HLCS: variants seen among roughly 807,000 people sequenced by gnomAD.
The protein encoded by HLCS is holocarboxylase synthetase.
HLCS carries 53 observed loss-of-function variants against 75.0 expected under a neutral mutation model. The observed-to-expected ratio is 0.71, with a 90% CI of 0.57 to 0.89. The LOEUF is 0.89. HLCS is among the 40% of genes least tolerant of loss of function. The pLI is 0.00. For synonymous variants in HLCS, 431 were observed against 428.6 expected (o/e 1.01, Z -0.07); for missense variants, 966 against 1,074.0 (o/e 0.90, Z 1.41).
chr21:36,793,842 G>A (rs533291515), intron 6 of HLCS, among the ~76,000 whole-genome samples: 41 of 152,186 alleles, frequency 2.7e-4, no homozygotes, highest in East Asian at 5.8e-4. Flanking sequence ...GTCCCTTTAC[G>A]GCCAAGAGAC....
At chr21:36,886,647 T>C (rs2064478733) in intron 6 of HLCS, among the ~76,000 whole-genome samples, 1 of 152,140 alleles carries the variant, frequency 6.6e-6, no homozygotes, top group African/African-American at 2.4e-5. Flanking sequence ...GATTGAATGT[T>C]TGTGTTCCCT....
chr21:36,838,405 A>T lies in HLCS; in HGVS notation c.1892+58455T>A, dbSNP rs116469783. Among the ~76,000 whole-genome samples the T allele has an allele frequency of 4.7e-3, 716 of 152,198 alleles. 8 individuals are homozygous for T. The highest frequency in any genetic ancestry group is 0.016 in the African/African-American group (677 of 41,538). ...GAAAAAGGGTCTTTGCAGATAGAAT[A>T]GAATTAAATTACAATCTTAGCCAGG... On this transcript the variant is annotated intron_variant, in intron 6 of 10. Coordinates refer to ENST00000674895, the MANE Select transcript of HLCS (RefSeq NM_001352514.2).
chr21:36,910,010 T>C (rs2065631369), intron 5 of HLCS, among the ~76,000 whole-genome samples: 1 of 152,210 alleles, frequency 6.6e-6, no homozygotes, highest in Non-Finnish European at 1.5e-5. Flanking sequence ...AGTGAGTTAA[T>C]CAGAAAATGA....
intron 5 of HLCS, among the ~76,000 whole-genome samples, chr21:36,917,413 T>C (rs965499630): frequency 4.6e-5 from 7 of 152,154 alleles, no homozygotes; most frequent in African/African-American, 9.7e-5. Flanking sequence ...ACCCAGATCT[T>C]GTACAGCCCA....
chr21:36,941,266 C>T (rs1459271960), intron 2 of HLCS, among the ~76,000 whole-genome samples: 2 of 152,200 alleles, frequency 1.3e-5, no homozygotes, highest in Admixed American at 1.3e-4. Flanking sequence ...TGTCTCTCAC[C>T]TGCCACCATG....
At chr21:36,960,142 C>CA (rs1196598245) in intron 2 of HLCS, among the ~76,000 whole-genome samples, 1 of 120,480 alleles carries the variant, frequency 8.3e-6, no homozygotes, top group East Asian at 3.1e-4. Context: ...CCCCCCCCCC[C>CA]CCCGACCCTG....
intron 6 of HLCS, among the ~76,000 whole-genome samples, chr21:36,826,347 T>A (rs192281633): frequency 2.0e-5 from 3 of 152,152 alleles, no homozygotes; most frequent in Non-Finnish European, 2.9e-5. Flanking sequence ...GTGAGATACG[T>A]GGATCTCCAG....
At chr21:36,808,593 A>G (rs1157736526) in intron 6 of HLCS, among the ~76,000 whole-genome samples, 2 of 152,190 alleles carry the variant, frequency 1.3e-5, no homozygotes, top group Non-Finnish European at 2.9e-5. Context: ...CAGCTGTTAC[A>G]TGTATCTCAT....
rs569427142 is a variant in HLCS, at chr21:36,751,017, G to A, written c.*3229C>T. 45 of 146,836 alleles carry A rather than the reference G, an allele frequency of 3.1e-4. No individual in the cohort carries two copies. The highest frequency in any genetic ancestry group is 9.6e-4 in the African/African-American group (38 of 39,688). The allele number at this position is 146,836 out of a possible 1,614,324, so 9.1% of individuals were successfully genotyped here. On this transcript the variant is annotated 3_prime_UTR_variant, in exon 11 of 11. Transcript: ENST00000674895. Reference sequence around the variant, plus strand: ...CGCTGAATACATTTGTCAATAATACGTCAAAAAAAAAAACACTTGGCTTCT... The same window carrying A: ...CGCTGAATACATTTGTCAATAATACATCAAAAAAAAAAACACTTGGCTTCT...
chr21:36,919,052 A>T (rs2835534), intron 5 of HLCS, among the ~76,000 whole-genome samples: 28,274 of 152,192 alleles, frequency 0.19, 2,881 homozygotes, highest in African/African-American at 0.25. Context: ...CAGAGCTCGC[A>T]TCTTTCAGAG....
At chr21:36,886,376 C>T (rs11702434) in intron 6 of HLCS, among the ~76,000 whole-genome samples, 72,882 of 146,832 alleles carry the variant, frequency 0.5, 20,210 homozygotes, top group African/African-American at 0.77. Flanking sequence ...GAGCTTGCAG[C>T]GAGCTGATAT....
intron 1 of HLCS, among the ~76,000 whole-genome samples, chr21:36,975,479 C>T (rs1201944809): frequency 6.6e-6 from 1 of 152,150 alleles, no homozygotes; most frequent in Admixed American, 6.5e-5. Flanking sequence ...TAAAGCACAG[C>T]GCTCATCCCA....
upstream of HLCS, among the ~76,000 whole-genome samples, chr21:36,968,186 G>C (rs768620612): frequency 6.6e-6 from 1 of 151,896 alleles, no homozygotes; most frequent in Non-Finnish European, 1.5e-5. Flanking sequence ...ACAGGGTCTC[G>C]CTGTGTCGCC....
intron 6 of HLCS, among the ~76,000 whole-genome samples, chr21:36,789,642 T>G (rs182379007): frequency 9.8e-5 from 15 of 152,304 alleles, no homozygotes; most frequent in Admixed American, 9.8e-4. Context: ...ATGAGAGTAA[T>G]CCCGACAGTC....
At chr21:36,787,575 C>T (rs1331626619) in intron 6 of HLCS, among the ~76,000 whole-genome samples, 2 of 152,146 alleles carry the variant, frequency 1.3e-5, no homozygotes, top group Non-Finnish European at 2.9e-5. Flanking sequence ...GTTCCTCTCC[C>T]CTGGTTTCTT....
At chr21:36,846,372 C>T (rs1404351890) in intron 6 of HLCS, among the ~76,000 whole-genome samples, 1 of 152,138 alleles carries the variant, frequency 6.6e-6, no homozygotes, top group Non-Finnish European at 1.5e-5. Context: ...ATGTCGAGGT[C>T]CTCTGTCCTC....
At chr21:36,822,025 T>C (rs1165648126) in intron 6 of HLCS, among the ~76,000 whole-genome samples, 1 of 152,058 alleles carries the variant, frequency 6.6e-6, no homozygotes, top group Non-Finnish European at 1.5e-5. Context: ...CAGCCAGTCA[T>C]CCTCACCCTC....
intron 1 of HLCS, among the ~76,000 whole-genome samples, chr21:36,962,638 A>G (rs1170867448): frequency 6.6e-6 from 1 of 151,796 alleles, no homozygotes; most frequent in African/African-American, 2.4e-5. Flanking sequence ...AAACATACCA[A>G]AAAAATGAGT....
At chr21:36,904,605 C>T (rs564848522) in intron 5 of HLCS, among the ~76,000 whole-genome samples, 16 of 152,234 alleles carry the variant, frequency 1.1e-4, no homozygotes, top group African/African-American at 3.9e-4. Context: ...ATTTTAAGTA[C>T]CATAGGAAGC....
Sources: gnomAD v4.1 joint callset for allele counts (sites outside exome capture counted in the v4.1 genomes callset) on GRCh38, gnomAD v4.1.1 for gene constraint, MANE v1.5 for transcripts, NCBI Gene and HGNC (gene_info 2026-07-23, HGNC 2026-07-21) for gene names.